RALGAPB: variants seen among roughly 807,000 people sequenced by gnomAD.
RALGAPB encodes Ral GTPase activating protein non-catalytic subunit beta.
A neutral mutation model predicts 161.1 loss-of-function variants in RALGAPB; 25 were observed. The ratio of observed to expected loss-of-function variants is 0.16; its 90% CI spans 0.11 to 0.22. The LOEUF (loss-of-function observed/expected upper bound fraction) is 0.22. Among genes scored for constraint, RALGAPB ranks in the 10% least tolerant of loss-of-function variants. The probability of loss-of-function intolerance (pLI) is 1.00; values close to 1 mark genes in which losing one functional copy is unlikely to be tolerated. For synonymous variants in RALGAPB, 629 were observed against 626.1 expected, an observed-to-expected ratio of 1.00 and a Z score of -0.07; for missense variants, 1,391 against 1,815.2, an observed-to-expected ratio of 0.77 and a Z score of 4.25.
chr20:38,554,003 C>A lies in RALGAPB; in HGVS notation c.3299C>A (p.Pro1100His), dbSNP rs767212253. The change falls in exon 22 of 30, where the codon CCT becomes CAT. Residue 1100 changes from proline (P) to histidine (H), a missense_variant. Pro to His is a moderately conservative substitution (Grantham distance 77). Coordinates refer to ENST00000262879, the MANE Select transcript of RALGAPB (RefSeq NM_020336.4). ...CCAGTTACGGATTGCAAGCCCCCGC[C>A]TCCTGCCCAGGAATTCCAAACAGCC... ...PDPVTDCKPPPPAQEFQTARL... is the reference protein window; with the variant it reads ...PDPVTDCKPPHPAQEFQTARL... The A allele has an allele frequency of 6.2e-7, 1 of 1,613,738 alleles. No individual in the cohort carries two copies. Among genetic ancestry groups the A allele is most frequent in the Non-Finnish European group, 8.5e-7 (1 of 1,179,898 alleles).
intron 15 of RALGAPB, 114 bp from the exon 16 acceptor site, chr20:38,534,960 C>T (rs1287141856): frequency 1.5e-5 from 19 of 1,299,100 alleles, no homozygotes; most frequent in South Asian, 4.0e-5. Context: ...TGTGGGTGCC[C>T]GTCGTTCTCA....
chr20:38,492,349 C>T (rs922879699), intron 2 of RALGAPB, among the ~76,000 whole-genome samples: 2 of 152,188 alleles, frequency 1.3e-5, no homozygotes. Flanking sequence ...TTCAGTGCAG[C>T]TAAATGCCTT....
intron 13 of RALGAPB, among the ~76,000 whole-genome samples, chr20:38,526,770 C>G (rs2086485266): frequency 1.3e-5 from 2 of 152,150 alleles, no homozygotes; most frequent in African/African-American, 2.4e-5. Context: ...AGTGTTAGCA[C>G]TAAGGGACAG....
intron 1 of RALGAPB, among the ~76,000 whole-genome samples, chr20:38,481,326 A>G (rs2084963233): frequency 6.6e-6 from 1 of 152,208 alleles, no homozygotes; most frequent in Admixed American, 6.5e-5. Context: ...TGCTGCTGAT[A>G]AAGACATACC....
At chr20:38,562,961 A>G (rs2087839982) in intron 24 of RALGAPB, among the ~76,000 whole-genome samples, 1 of 152,112 alleles carries the variant, frequency 6.6e-6, no homozygotes, top group African/African-American at 2.4e-5. Flanking sequence ...TTGTAGTCCT[A>G]CCTGCTCAGG....
chr20:38,518,702 A>G (rs2086204418), intron 9 of RALGAPB, among the ~76,000 whole-genome samples: 2 of 152,266 alleles, frequency 1.3e-5, no homozygotes, highest in Admixed American at 1.3e-4. Flanking sequence ...AATATTTATA[A>G]TATGTCTTAG....
chr20:38,552,735 G>C (rs1403657303), intron 21 of RALGAPB, among the ~76,000 whole-genome samples: 1 of 152,176 alleles, frequency 6.6e-6, no homozygotes, highest in Non-Finnish European at 1.5e-5. Context: ...CAGTGTAATA[G>C]GGGATCCCAG....
chr20:38,523,858 G>A (rs145787885), intron 10 of RALGAPB, among the ~76,000 whole-genome samples: 1 of 152,198 alleles, frequency 6.6e-6, no homozygotes, highest in African/African-American at 2.4e-5. Flanking sequence ...AGCAAGGAGA[G>A]AAGGGAGTAG....
chr20:38,558,275 C>A lies in RALGAPB; in HGVS notation c.3373-20C>A. 1 of 1,475,264 alleles carries A rather than the reference C, an allele frequency of 6.8e-7. No individual in the cohort carries two copies. Among genetic ancestry groups the A allele is most frequent in the South Asian group, 1.5e-5 (1 of 67,782 alleles). The allele number at this position is 1,475,264 out of a possible 1,614,324, so 91.4% of individuals were successfully genotyped here. On this transcript the variant is annotated intron_variant, in intron 22 of 29. Coordinates refer to ENST00000262879, the MANE Select transcript of RALGAPB (RefSeq NM_020336.4). ...GAAAGAAAATAGGTAATAATTGCTC[C>A]TTTCTTCTTTTGGTGGCAGGAACCT...
chr20:38,570,690 G>A (rs1391456266), intron 27 of RALGAPB, 79 bp from the exon 28 acceptor site: 48 of 888,042 alleles, frequency 5.4e-5, no homozygotes, highest in Non-Finnish European at 8.5e-5. Flanking sequence ...TATGTAAAGC[G>A]ATTAGAAAAT....
At position 38,546,287 on chromosome 20, in the gene RALGAPB, C is replaced by G; in HGVS notation, c.2759C>G (p.Ala920Gly). ...LGAFPSPSGPASPCSLVNETT... is the reference protein window; with the variant it reads ...LGAFPSPSGPGSPCSLVNETT... ...GCATTTCCTTCACCTAGTGGTCCTG[C>G]CTCTCCTTGTAGTCTTGTGAATGAG... Residue 920 changes from alanine (A) to glycine (G), a missense_variant, in exon 19 of 30, where the codon GCC becomes GGC. By Grantham distance (60) the Ala-to-Gly change is moderately conservative. Around this residue, in one of 3 missense-constraint regions of RALGAPB, gnomAD observed 946 missense variants for 1,257.2 expected, o/e 0.75. Transcript: ENST00000262879. 3 of 1,614,134 alleles carry G rather than the reference C, an allele frequency of 1.9e-6. No homozygotes were observed. The highest frequency in any genetic ancestry group is 2.5e-6 in the Non-Finnish European group (3 of 1,179,992).
At position 38,531,084 on chromosome 20, in the gene RALGAPB, G is replaced by C. The variant is rs917328356; in HGVS notation, c.2051-83G>C. 3 of 1,173,312 alleles carry C rather than the reference G, an allele frequency of 2.6e-6. No individual in the cohort carries two copies. In the African/African-American group the frequency reaches 4.7e-5, roughly 18 times the overall value. 72.7% of individuals were successfully genotyped at this position (1,173,312 alleles called of 1,614,324 possible). A position where few individuals can be genotyped will look rare whatever the true frequency, so the allele number is the denominator to read the frequency against. On this transcript the variant is annotated intron_variant, in intron 13 of 29. Transcript: ENST00000262879. Reference sequence around the variant, plus strand: ...CTCAACCAAAATTATATTCTTATCTGTACTATTAATCATATAAAATGTCTT... The same window carrying C: ...CTCAACCAAAATTATATTCTTATCTCTACTATTAATCATATAAAATGTCTT...
intron 27 of RALGAPB, 37 bp from the exon 28 acceptor site, chr20:38,570,732 G>A: frequency 7.7e-7 from 1 of 1,294,464 alleles, no homozygotes; most frequent in Non-Finnish European, 1.1e-6. Context: ...GGGAAAATGA[G>A]GGAGATATTA....
chr20:38,528,686 A>T (rs1272769420), intron 13 of RALGAPB, among the ~76,000 whole-genome samples: 5 of 146,622 alleles, frequency 3.4e-5, no homozygotes, highest in African/African-American at 1.2e-4. Context: ...ATTTTAGGGA[A>T]TTTTTTTTTT....
chr20:38,481,507 G>A (rs1482329223), intron 1 of RALGAPB, among the ~76,000 whole-genome samples: 1 of 152,156 alleles, frequency 6.6e-6, no homozygotes, highest in African/African-American at 2.4e-5. Flanking sequence ...TTTTTAAAAA[G>A]CCATCAGATC....
chr20:38,525,034 C>T (rs1356084702), intron 11 of RALGAPB, 89 bp downstream of exon 11: 1 of 1,294,782 alleles, frequency 7.7e-7, no homozygotes, highest in Non-Finnish European at 1.1e-6. Flanking sequence ...TGTATCCTGT[C>T]CAGTTGTCTT....
intron 4 of RALGAPB, 50 bp from the exon 5 acceptor site, chr20:38,499,397 C>T: frequency 6.7e-7 from 1 of 1,485,864 alleles, no homozygotes; most frequent in South Asian, 1.3e-5. Flanking sequence ...CTTAAAGATT[C>T]TGCTTTAAAA....
intron 21 of RALGAPB, among the ~76,000 whole-genome samples, chr20:38,552,791 A>G (rs1240539178): frequency 6.6e-6 from 1 of 152,214 alleles, no homozygotes; most frequent in Non-Finnish European, 1.5e-5. Flanking sequence ...GTTAAGTAGC[A>G]TTATCTATAG....
In RALGAPB at chr20:38,576,188, T is replaced by C. The variant is rs182641601; in HGVS notation, c.*1221T>C. The C allele has an allele frequency of 5.9e-5, 9 of 152,816 alleles. No homozygotes were observed. The highest frequency in any genetic ancestry group is 4.6e-4 in the Admixed American group (7 of 15,306). The allele number at this position is 152,816 out of a possible 1,614,324, so 9.5% of individuals were successfully genotyped here. ...AAGGATTCCTGTTACAGTGCTACAGTATACACTGCTCATTTATCCTATTCT... is the reference window on the plus strand; with the variant it reads ...AAGGATTCCTGTTACAGTGCTACAGCATACACTGCTCATTTATCCTATTCT... On this transcript the variant is annotated 3_prime_UTR_variant, in exon 30 of 30. Transcript: ENST00000262879.
Sources: allele counts gnomAD v4.1 joint callset (sites outside exome capture counted in the v4.1 genomes callset), GRCh38; gene constraint gnomAD v4.1.1; regional missense constraint gnomAD v4.1.1; transcripts MANE v1.5; gene names NCBI Gene and HGNC (gene_info 2026-07-23, HGNC 2026-07-21).